UTRN: variants seen among roughly 807,000 people sequenced by gnomAD.
UTRN encodes utrophin.
A neutral mutation model predicts 463.9 loss-of-function variants in UTRN; 283 were observed. The ratio of observed to expected loss-of-function variants is 0.61; its 90% CI spans 0.55 to 0.67. The LOEUF is 0.67. Ranked by LOEUF, UTRN falls within the 30% of genes least tolerant of loss-of-function variation. The pLI is 0.00. For synonymous variants in UTRN, 1,442 were observed against 1,431.5 expected, an observed-to-expected ratio of 1.01 and a Z score of -0.17; for missense variants, 3,922 against 4,084.3, an observed-to-expected ratio of 0.96 and a Z score of 1.08.
At chr6:144,745,037 A>G (rs915034567) in intron 54 of UTRN, among the ~76,000 whole-genome samples, 3 of 151,954 alleles carry the variant, frequency 2.0e-5, no homozygotes, top group Admixed American at 6.6e-5. Flanking sequence ...GGAAATCACT[A>G]CCTTTTGGGG....
intron 65 of UTRN, among the ~76,000 whole-genome samples, chr6:144,803,800 C>A (rs1394997187): frequency 1.3e-5 from 2 of 151,866 alleles, no homozygotes; most frequent in Non-Finnish European, 2.9e-5. Flanking sequence ...GTAGCTCATT[C>A]CAGATATTAT....
intron 2 of UTRN, among the ~76,000 whole-genome samples, chr6:144,304,553 G>A (rs1040267530): frequency 6.6e-6 from 1 of 152,190 alleles, no homozygotes; most frequent in Non-Finnish European, 1.5e-5. Context: ...ACATCCCAGG[G>A]CTTCAAGGAA....
intron 69 of UTRN, among the ~76,000 whole-genome samples, chr6:144,832,265 TA>T (rs1306079395): frequency 6.6e-6 from 1 of 152,212 alleles, no homozygotes; most frequent in Non-Finnish European, 1.5e-5. Flanking sequence ...GAAAAACACT[TA>T]AGACTAAAAT....
At position 144,488,811 on chromosome 6, in the gene UTRN, T is replaced by C; in HGVS notation, c.4111T>C (p.Phe1371Leu). The change falls in exon 30 of 75, where the codon TTC (phenylalanine) becomes CTC (leucine). Residue 1371 changes from phenylalanine (F) to leucine (L), a missense_variant. Around this residue, in one of 3 missense-constraint regions of UTRN, gnomAD observed 2,349 missense variants for 2,303.8 expected, o/e 1.02. Transcript: ENST00000367545. ...ATACCTGACTGACAGGATAGATGCT[T>C]TCCAAGTTCCACAGGAAGCTCAGGT... ...TTYLTDRIDA[F>L]QVPQEAQKIQ... 6.3e-7 allele frequency: 1 copy of C among 1,597,090 alleles called. No individual in the cohort carries two copies. Among genetic ancestry groups the C allele is most frequent in the Non-Finnish European group, 8.5e-7 (1 of 1,169,992 alleles).
chr6:144,714,511 C>G (rs370269506), intron 53 of UTRN, among the ~76,000 whole-genome samples: 1 of 152,198 alleles, frequency 6.6e-6, no homozygotes, highest in Non-Finnish European at 1.5e-5. Flanking sequence ...ACACAGGGCT[C>G]TGCTCTTACA....
At chr6:144,780,727 G>T (rs1775755954) in intron 60 of UTRN, among the ~76,000 whole-genome samples, 1 of 152,166 alleles carries the variant, frequency 6.6e-6, no homozygotes, top group African/African-American at 2.4e-5. Context: ...GTGTGTGCCT[G>T]GACCATGCAT....
chr6:144,827,892 C>G (rs1394737913), intron 68 of UTRN, among the ~76,000 whole-genome samples: 3 of 152,034 alleles, frequency 2.0e-5, no homozygotes, highest in African/African-American at 7.2e-5. Flanking sequence ...TAAACCTAAC[C>G]AGGATGTGAT....
At chr6:144,704,126 G>A (rs967093106) in intron 53 of UTRN, among the ~76,000 whole-genome samples, 8 of 152,058 alleles carry the variant, frequency 5.3e-5, no homozygotes, top group East Asian at 3.9e-4. Context: ...CCTACTTACC[G>A]AATAACTTTT....
In UTRN at chr6:144,473,192, A is replaced by G. The variant is rs1206658651; in HGVS notation, c.3067-528A>G. ...TCGCCATACACAGTAGCTGGATTTT[A>G]TATATATAGTAGGTGCTTAATAAAT... On this transcript the variant is annotated intron_variant, in intron 23 of 74. Transcript: ENST00000367545. Among the ~76,000 whole-genome samples, 6 of 152,132 alleles carry G rather than the reference A, an allele frequency of 3.9e-5. No homozygotes were observed. In the East Asian group the frequency reaches 9.6e-4, roughly 24 times the overall value.
At chr6:144,315,231 T>G (rs1222394889) in intron 2 of UTRN, among the ~76,000 whole-genome samples, 1 of 152,220 alleles carries the variant, frequency 6.6e-6, no homozygotes, top group Non-Finnish European at 1.5e-5. Flanking sequence ...ACATTGTTTC[T>G]TAAGAAAAGA....
intron 2 of UTRN, among the ~76,000 whole-genome samples, chr6:144,319,752 G>A (rs773219102): frequency 6.6e-6 from 1 of 151,932 alleles, no homozygotes; most frequent in Non-Finnish European, 1.5e-5. Context: ...ACTTTTTGTA[G>A]CGACAGGCTG....
At chr6:144,288,327 A>G (rs1408670740) in intron 1 of UTRN, among the ~76,000 whole-genome samples, 1 of 152,232 alleles carries the variant, frequency 6.6e-6, no homozygotes, top group African/African-American at 2.4e-5. Context: ...GGGCAAATGG[A>G]ATAAAGTAGT....
At chr6:144,561,391 T>C (rs1799907694) in intron 50 of UTRN, among the ~76,000 whole-genome samples, 1 of 151,348 alleles carries the variant, frequency 6.6e-6, no homozygotes, top group South Asian at 2.1e-4. Flanking sequence ...TGCACATGCA[T>C]GTATATACAG....
At chr6:144,325,890 CA>C (rs2114594377) in intron 2 of UTRN, among the ~76,000 whole-genome samples, 1 of 151,728 alleles carries the variant, frequency 6.6e-6, no homozygotes, top group African/African-American at 2.4e-5. Flanking sequence ...AAAAAAAAAT[CA>C]GAGAATAAGA....
chr6:144,394,822 GAAAT>G (rs947718380), intron 2 of UTRN, among the ~76,000 whole-genome samples: 22 of 152,010 alleles, frequency 1.4e-4, no homozygotes, highest in South Asian at 4.1e-4. Flanking sequence ...GGAAAATAAT[GAAAT>G]AAATAAAGTA....
chr6:144,738,740 C>A (rs917607798), intron 54 of UTRN, among the ~76,000 whole-genome samples: 1 of 152,170 alleles, frequency 6.6e-6, no homozygotes, highest in Non-Finnish European at 1.5e-5. Context: ...CATTATTTAT[C>A]CACCAGTTTC....
At chr6:144,287,020 C>A (rs917631026) in intron 1 of UTRN, among the ~76,000 whole-genome samples, 1 of 152,022 alleles carries the variant, frequency 6.6e-6, no homozygotes, top group African/African-American at 2.4e-5. Context: ...TCTGAGCCGA[C>A]CCTCCCGGCC....
intron 51 of UTRN, among the ~76,000 whole-genome samples, chr6:144,603,529 T>C (rs115421662): frequency 1.4e-3 from 212 of 152,350 alleles, no homozygotes; most frequent in African/African-American, 4.9e-3. Flanking sequence ...TGACAAATTG[T>C]TTATTTCCTT....
At chr6:144,451,605 AG>A (rs748269042) in intron 18 of UTRN, 112 bp downstream of exon 18, 358 of 1,294,656 alleles carry the variant, frequency 2.8e-4, no homozygotes, top group Non-Finnish European at 3.4e-4. Context: ...AAATAAATGT[AG>A]GCAGAAGGTA....
Sources: allele counts gnomAD v4.1 joint callset (sites outside exome capture counted in the v4.1 genomes callset), GRCh38; gene constraint gnomAD v4.1.1; regional missense constraint gnomAD v4.1.1; transcripts MANE v1.5; gene names NCBI Gene and HGNC (gene_info 2026-07-23, HGNC 2026-07-21).